The following FAM167A variants were observed in gnomAD, a reference collection of about 807,000 sequenced individuals.
FAM167A encodes protein FAM167A.
FAM167A carries 23 observed loss-of-function variants against 14.9 expected under a neutral mutation model. The observed-to-expected ratio is 1.55, with a 90% CI of 1.11 to 2.19. FAM167A has a LOEUF of 2.19. Among genes scored for constraint, FAM167A ranks in the 30% most tolerant of loss-of-function variants. The pLI is 0.00. For missense variants in FAM167A, 401 were observed against 281.5 expected (o/e 1.42, Z -3.04); for synonymous variants, 174 against 117.7 (o/e 1.48, Z -3.10).
At chr8:11,442,309 C>A (rs761040048) in intron 2 of FAM167A, among the ~76,000 whole-genome samples, 2 of 152,076 alleles carry the variant, frequency 1.3e-5, no homozygotes, top group South Asian at 4.2e-4. Context: ...AAAAACCACA[C>A]GTGTGGTTAT....
intron 2 of FAM167A, among the ~76,000 whole-genome samples, chr8:11,443,225 G>A (rs993748712): frequency 2.0e-5 from 3 of 152,316 alleles, no homozygotes; most frequent in African/African-American, 4.8e-5. Context: ...TTCTCCCCTG[G>A]GGGGGTGGAA....
At chr8:11,447,880 T>A (rs1353591518) in intron 1 of FAM167A, among the ~76,000 whole-genome samples, 4 of 152,162 alleles carry the variant, frequency 2.6e-5, no homozygotes, top group Non-Finnish European at 5.9e-5. Flanking sequence ...GAAACGAAGA[T>A]GCGGGGCTCC....
intron 2 of FAM167A, among the ~76,000 whole-genome samples, chr8:11,440,027 A>AT (rs1806334703): frequency 6.6e-6 from 1 of 152,102 alleles, no homozygotes; most frequent in African/African-American, 2.4e-5. Flanking sequence ...TTCCTCAAGC[A>AT]ATGCCCTCCC....
Position 11,431,893 on chromosome 8 carries a change from C to CA in FAM167A, c.382-7258dup, listed in dbSNP as rs748615997. On this transcript the variant is annotated intron_variant, in intron 2 of 2. Coordinates refer to ENST00000284486, the MANE Select transcript of FAM167A (RefSeq NM_053279.3). ...AGAAGGAGGGTACTGGACCAATTGG[C>CA]AAAAAAAAAAAAAAAAAAAAAAAAA... Among the ~76,000 whole-genome samples the CA allele has an allele frequency of 5.3e-3, 82 of 15,602 alleles. 3 individuals carry two copies. Among genetic ancestry groups the CA allele is most frequent in the East Asian group, 0.01 (8 of 776 alleles). The allele number at this position is 15,602 out of a possible 152,430, so 10.2% of individuals were successfully genotyped here. A position where few individuals can be genotyped will look rare whatever the true frequency, so the allele number is the denominator to read the frequency against.
At chr8:11,427,040 T>C (rs1805219285) in intron 2 of FAM167A, among the ~76,000 whole-genome samples, 1 of 152,220 alleles carries the variant, frequency 6.6e-6, no homozygotes, top group Admixed American at 6.5e-5. Context: ...ACGGAAGTTC[T>C]TTGTGGGCCA....
intron 2 of FAM167A, among the ~76,000 whole-genome samples, chr8:11,429,765 A>T (rs1178681996): frequency 6.6e-6 from 1 of 152,218 alleles, no homozygotes; most frequent in Non-Finnish European, 1.5e-5. Flanking sequence ...GTTAGAACCC[A>T]GGTTCAAGCT....
intron 1 of FAM167A, among the ~76,000 whole-genome samples, chr8:11,454,855 C>T (rs1807165815): frequency 1.3e-5 from 2 of 152,152 alleles, no homozygotes; most frequent in South Asian, 2.1e-4. Flanking sequence ...AGGTGGCAGC[C>T]GAGAGGACAG....
chr8:11,463,215 A>T (rs1384302218), intron 1 of FAM167A, among the ~76,000 whole-genome samples: 1 of 152,254 alleles, frequency 6.6e-6, no homozygotes, highest in African/African-American at 2.4e-5. Flanking sequence ...ACAAATAAAC[A>T]AAATAGCAGC....
intron 1 of FAM167A, among the ~76,000 whole-genome samples, chr8:11,447,574 C>T (rs186984840): frequency 2.6e-5 from 4 of 152,296 alleles, no homozygotes; most frequent in African/African-American, 9.6e-5. Flanking sequence ...CCCAAAGTAG[C>T]CCCCAGAGGC....
At chr8:11,447,849 A>G (rs543534821) in intron 1 of FAM167A, among the ~76,000 whole-genome samples, 23 of 152,324 alleles carry the variant, frequency 1.5e-4, no homozygotes, top group Non-Finnish European at 2.5e-4. Context: ...GAACGACTAC[A>G]TAATTCACAA....
chr8:11,425,704 C>A (rs1805089014), intron 2 of FAM167A, among the ~76,000 whole-genome samples: 1 of 152,032 alleles, frequency 6.6e-6, no homozygotes, highest in African/African-American at 2.4e-5. Context: ...CACAGCAGAT[C>A]GGCATTAACA....
At chr8:11,424,758 T>C in intron 2 of FAM167A, 122 bp from the exon 3 acceptor site, 3 of 1,378,506 alleles carry the variant, frequency 2.2e-6, no homozygotes, top group Non-Finnish European at 2.9e-6. Flanking sequence ...CTAGAAATAT[T>C]AGCACTTTCC....
chr8:11,443,695 G>C (rs941352229), intron 2 of FAM167A: 8 of 247,526 alleles, frequency 3.2e-5, no homozygotes, highest in Non-Finnish European at 6.3e-5. Context: ...CACAGAGGGA[G>C]GGGCAGTCAC....
intron 2 of FAM167A, among the ~76,000 whole-genome samples, chr8:11,436,158 T>C (rs1471761740): frequency 1.3e-5 from 2 of 152,240 alleles, no homozygotes; most frequent in East Asian, 1.9e-4. Flanking sequence ...GCTGTGTTAT[T>C]GTCTCTATCA....
chr8:11,438,752 A>C (rs2117059147), intron 2 of FAM167A: 1 of 349,048 alleles, frequency 2.9e-6, no homozygotes, highest in African/African-American at 2.1e-5. Flanking sequence ...TTCCTCCTGC[A>C]GGGCTGGTGC....
At chr8:11,455,178 C>CTGTG (rs112502419) in intron 1 of FAM167A, among the ~76,000 whole-genome samples, 68,622 of 129,704 alleles carry the variant, frequency 0.53, 21,698 homozygotes, top group East Asian at 0.65. Context: ...TGTTGCCTTG[C>CTGTG]TGAGTGTGGG....
At chr8:11,442,663 G>C (rs543355512) in intron 2 of FAM167A, among the ~76,000 whole-genome samples, 3 of 149,474 alleles carry the variant, frequency 2.0e-5, no homozygotes, top group African/African-American at 7.3e-5. Flanking sequence ...GTCTGTCCTG[G>C]GGCACTGTGC....
chr8:11,438,566 G>T (rs756724974), intron 2 of FAM167A: 13 of 444,604 alleles, frequency 2.9e-5, no homozygotes, highest in South Asian at 2.0e-4. Context: ...GATTATACAT[G>T]ATATATTCCT....
At chr8:11,470,336 G>C (rs558574424), upstream of FAM167A, among the ~76,000 whole-genome samples, 1 of 152,256 alleles carries the variant, frequency 6.6e-6, no homozygotes, top group Admixed American at 6.5e-5. Flanking sequence ...CTAGGGAAAG[G>C]GTCAGTGCAG....
Sources: gnomAD v4.1 joint callset for allele counts (sites outside exome capture counted in the v4.1 genomes callset) on GRCh38, gnomAD v4.1.1 for gene constraint, MANE v1.5 for transcripts, NCBI Gene and HGNC (gene_info 2026-07-23, HGNC 2026-07-21) for gene names.